The following ARIH2 variants were observed in gnomAD, a reference collection of about 807,000 sequenced individuals.
ARIH2 encodes the protein E3 ubiquitin-protein ligase ARIH2.
A neutral mutation model predicts 79.8 loss-of-function variants in ARIH2; 12 were observed. The ratio of observed to expected loss-of-function variants is 0.15; its 90% CI spans 0.10 to 0.24. The LOEUF (loss-of-function observed/expected upper bound fraction) is 0.24. ARIH2 is among the 10% of genes least tolerant of loss of function. The pLI, the probability that ARIH2 is intolerant of heterozygous loss-of-function variation, is 1.00. For missense variants in ARIH2, 301 were observed against 618.3 expected (o/e 0.49, Z 5.44); for synonymous variants, 224 against 213.9 (o/e 1.05, Z -0.41).
chr3:48,926,121 G>A (rs879301057), intron 2 of ARIH2, among the ~76,000 whole-genome samples: 9 of 152,204 alleles, frequency 5.9e-5, no homozygotes, highest in Non-Finnish European at 1.3e-4. Context: ...AATCTTCTGT[G>A]AGTTGAAGTT....
chr3:48,951,760 A>AGG (rs2089987779), intron 3 of ARIH2, among the ~76,000 whole-genome samples: 1 of 152,168 alleles, frequency 6.6e-6, no homozygotes, highest in Non-Finnish European at 1.5e-5. Context: ...TAAGAATTGT[A>AGG]GGGGGTGGTC....
At chr3:48,982,782 G>T in intron 14 of ARIH2, 114 bp from the exon 15 acceptor site, 1 of 758,348 alleles carries the variant, frequency 1.3e-6, no homozygotes. Flanking sequence ...GACAGTATCA[G>T]GATTGTCTGT....
In ARIH2 at chr3:48,918,921, C is replaced by G. The variant is rs747511473; in HGVS notation, c.-239C>G. 6.3e-7 allele frequency: 1 copy of G among 1,597,250 alleles called. No individual in the cohort carries two copies. Among genetic ancestry groups the G allele is most frequent in the African/African-American group, 1.3e-5 (1 of 74,866 alleles). On this transcript the variant is annotated 5_prime_UTR_variant, in exon 1 of 16. Transcript: ENST00000356401. ...GCCCGCCGCCTCCGCTGCCGCTTCG[C>G]CCCAATCCGGTCCCTCTGGCCCGGC... is the stretch of plus-strand genomic sequence containing the variant.
In ARIH2 at chr3:48,961,706, A is replaced by G. The variant is rs762286886; in HGVS notation, c.323+27A>G. The G allele has an allele frequency of 5.4e-5, 80 of 1,486,372 alleles. No homozygotes were observed. The East Asian group carries it at 1.8e-3, about 33-fold the overall frequency. The allele number at this position is 1,486,372 out of a possible 1,614,324, so 92.1% of individuals were successfully genotyped here. A position where few individuals can be genotyped will look rare whatever the true frequency, so the allele number is the denominator to read the frequency against. On this transcript the variant is annotated intron_variant, in intron 4 of 15. Coordinates refer to ENST00000356401, the MANE Select transcript of ARIH2 (RefSeq NM_006321.4). Reference sequence around the variant, plus strand: ...TAAGGTATTTGGGGGAGGAGAGAGAACATTGCCCATAGCTCCCCTCTCCGT... The same window carrying G: ...TAAGGTATTTGGGGGAGGAGAGAGAGCATTGCCCATAGCTCCCCTCTCCGT...
rs565468452 is a variant in ARIH2, at chr3:48,958,725, G to A, written c.256-2887G>A. Among the ~76,000 whole-genome samples the A allele has an allele frequency of 1.1e-3, 167 of 150,068 alleles. 2 individuals are homozygous for A. Among genetic ancestry groups the A allele is most frequent in the Non-Finnish European group, 1.1e-3 (73 of 67,282 alleles). On this transcript the variant is annotated intron_variant, in intron 3 of 15. Coordinates refer to ENST00000356401, the MANE Select transcript of ARIH2 (RefSeq NM_006321.4). The stretch of plus-strand genomic sequence containing the variant: ...CTCCATCTCAAAAAAAAGAAAAAAA[G>A]GTAAGGCCGGACTCAGTGGCTCACA...
chr3:48,981,739 G>A lies in ARIH2; in HGVS notation c.1326+11G>A, dbSNP rs1209485062. On this transcript the variant is annotated intron_variant, in intron 14 of 15. Coordinates refer to ENST00000356401, the MANE Select transcript of ARIH2 (RefSeq NM_006321.4). ...CCCAGGAAGAAGCTGGTAAGGCAAAGCAATTTTTCTACTCTGTCCCGTTAG... is the reference window on the plus strand; with the variant it reads ...CCCAGGAAGAAGCTGGTAAGGCAAAACAATTTTTCTACTCTGTCCCGTTAG... The A allele has an allele frequency of 6.2e-7, 1 of 1,609,824 alleles. No homozygotes were observed. The highest frequency in any genetic ancestry group is 1.3e-5 in the African/African-American group (1 of 74,836).
chr3:48,980,597 C>A, intron 13 of ARIH2, 101 bp downstream of exon 13: 2 of 1,349,990 alleles, frequency 1.5e-6, no homozygotes, highest in Non-Finnish European at 1.0e-6. Flanking sequence ...GGTATTTTAG[C>A]ACCCTGTGCA....
intron 9 of ARIH2, among the ~76,000 whole-genome samples, chr3:48,974,131 TTAA>T (rs1481866156): frequency 6.6e-6 from 1 of 152,142 alleles, no homozygotes; most frequent in South Asian, 2.1e-4. Flanking sequence ...AGGGAGGTGG[TTAA>T]TAGCCACACT....
At chr3:48,931,691 A>G (rs2086381581) in intron 3 of ARIH2, among the ~76,000 whole-genome samples, 1 of 152,006 alleles carries the variant, frequency 6.6e-6, no homozygotes, top group African/African-American at 2.4e-5. Flanking sequence ...CAGCCTCCTG[A>G]GTTAGCTGAG....
chr3:48,959,915 G>A lies in ARIH2; in HGVS notation c.256-1697G>A, dbSNP rs540166556. On this transcript the variant is annotated intron_variant, in intron 3 of 15. Coordinates refer to ENST00000356401, the MANE Select transcript of ARIH2 (RefSeq NM_006321.4). ...GTCTCCTTTCAGGAGTGACTTGAGC[G>A]CTAGAAGGAGGGATCATGTGGTGTT... Among the ~76,000 whole-genome samples, 31 of 152,306 alleles carry A rather than the reference G, an allele frequency of 2.0e-4. 1 individual carries two copies. Among genetic ancestry groups the A allele is most frequent in the Non-Finnish European group, 3.5e-4 (24 of 68,026 alleles).
At chr3:48,919,979 T>C (rs2084565219) in intron 1 of ARIH2, among the ~76,000 whole-genome samples, 1 of 149,914 alleles carries the variant, frequency 6.7e-6, no homozygotes, top group Admixed American at 6.7e-5. Flanking sequence ...AGGAAATTTT[T>C]TTTTTTTTTT....
intron 3 of ARIH2, among the ~76,000 whole-genome samples, chr3:48,942,645 ATTTTTTTTTT>A (rs745532484): frequency 4.8e-5 from 5 of 104,730 alleles, no homozygotes; most frequent in Non-Finnish European, 9.9e-5. Context: ...TGCCCGGCTA[ATTTTTTTTTT>A]TTTTTTTTTT....
intron 3 of ARIH2, among the ~76,000 whole-genome samples, chr3:48,952,455 G>C (rs543813329): frequency 6.6e-6 from 1 of 152,178 alleles, no homozygotes; most frequent in Non-Finnish European, 1.5e-5. Context: ...TGCAAGAATT[G>C]TGTTATTATT....
chr3:48,937,861 C>T (rs7430684), intron 3 of ARIH2, among the ~76,000 whole-genome samples: 3,534 of 152,044 alleles, frequency 0.023, 156 homozygotes, highest in African/African-American at 0.08. Context: ...TCCTGGCCAA[C>T]ACAATGAAAC....
intron 3 of ARIH2, among the ~76,000 whole-genome samples, chr3:48,930,136 G>T (rs535102822): frequency 7.4e-4 from 113 of 152,166 alleles, no homozygotes; most frequent in African/African-American, 2.6e-3. Flanking sequence ...GGCTCTTTTG[G>T]TTGGGTTGAC....
At chr3:48,932,777 T>C (rs1423106047) in intron 3 of ARIH2, among the ~76,000 whole-genome samples, 2 of 152,100 alleles carry the variant, frequency 1.3e-5, no homozygotes, top group Non-Finnish European at 2.9e-5. Context: ...ACCCACCCCA[T>C]TGCTTCAGGA....
Position 48,980,484 on chromosome 3 carries a change from G to A in ARIH2, c.1245G>A (p.Lys415=). 6.2e-7 allele frequency: 1 copy of A among 1,614,054 alleles called. No individual in the cohort carries two copies. The highest frequency in any genetic ancestry group is 8.5e-7 in the Non-Finnish European group (1 of 1,179,972). Residue 415 remains lysine (K), a synonymous_variant, in exon 13 of 16, where the codon AAG becomes AAA. Transcript: ENST00000356401. ...IDWQYLQNAA[K]LLAKCRYTLQ... The stretch of plus-strand genomic sequence containing the variant: ...GGCAGTACCTACAGAATGCTGCCAA[G>A]CTCTTGGCCAAGGTATCTACCACTT...
In ARIH2 at chr3:48,974,995, G is replaced by A; in HGVS notation, c.961+16G>A. ...TGTAAACACGGTGAGTTCCAAGCTT[G>A]GTGTGTAAGGCCCAGTGGCACTTTC... On this transcript the variant is annotated intron_variant, in intron 11 of 15. Transcript: ENST00000356401. The A allele has an allele frequency of 6.2e-7, 1 of 1,614,166 alleles. No individual in the cohort carries two copies. The highest frequency in any genetic ancestry group is 8.5e-7 in the Non-Finnish European group (1 of 1,180,030).
intron 3 of ARIH2, among the ~76,000 whole-genome samples, chr3:48,946,413 A>G (rs974314663): frequency 1.3e-5 from 2 of 151,396 alleles, no homozygotes; most frequent in African/African-American, 4.8e-5. Flanking sequence ...GTCATGAGCA[A>G]ACACCTTCTG....
Sources: allele counts gnomAD v4.1 joint callset (sites outside exome capture counted in the v4.1 genomes callset), GRCh38; gene constraint gnomAD v4.1.1; transcripts MANE v1.5; gene names NCBI Gene and HGNC (gene_info 2026-07-23, HGNC 2026-07-21).